ABCC6: variants seen among roughly 807,000 people sequenced by gnomAD.
ABCC6 encodes the protein ATP binding cassette subfamily C member 6.
A neutral mutation model predicts 169.5 loss-of-function variants in ABCC6; 126 were observed. The ratio of observed to expected loss-of-function variants is 0.74; its 90% CI spans 0.64 to 0.86. The LOEUF is 0.86. Ranked by LOEUF, ABCC6 falls within the 40% of genes least tolerant of loss-of-function variation. The pLI is 0.00. For synonymous variants in ABCC6, 752 were observed against 814.7 expected, an observed-to-expected ratio of 0.92 and a Z score of 1.31; for missense variants, 1,733 against 1,927.2, an observed-to-expected ratio of 0.90 and a Z score of 1.89.
At chr16:16,183,019 C>T (rs1005322908) in intron 15 of ABCC6, 89 bp from the exon 16 acceptor site, 5 of 1,603,998 alleles carry the variant, frequency 3.1e-6, no homozygotes, top group Non-Finnish European at 4.3e-6. Context: ...GCTGAGCTTT[C>T]CTGCTCTGGG....
chr16:16,187,337 G>A (rs2047683034), intron 13 of ABCC6, 126 bp from the exon 14 acceptor site: 4 of 785,026 alleles, frequency 5.1e-6, no homozygotes, highest in South Asian at 1.5e-5. Context: ...GGAGGCGTGA[G>A]GACAAAGCTT....
chr16:16,178,930 C>T lies in ABCC6; in HGVS notation c.2283G>A (p.Leu761=). 2 of 1,613,404 alleles carry T rather than the reference C, an allele frequency of 1.2e-6. No individual in the cohort carries two copies. The highest frequency in any genetic ancestry group is 1.7e-6 in the Non-Finnish European group (2 of 1,180,024). ...MNLSGGQKQR[L]SLARAVYRKA... ...TTCTGTATACAGCCCGGGCCAGGCTCAGCCGCTGCTTCTGGCCTCCGGAGA... is the reference window on the plus strand; with the variant it reads ...TTCTGTATACAGCCCGGGCCAGGCTTAGCCGCTGCTTCTGGCCTCCGGAGA... The change falls in exon 18 of 31, where the codon CTG becomes CTA. Residue 761 remains leucine, a synonymous_variant. Transcript: ENST00000205557.
intron 2 of ABCC6, among the ~76,000 whole-genome samples, chr16:16,220,846 G>A (rs1256167884): frequency 2.0e-5 from 3 of 151,052 alleles, no homozygotes; most frequent in East Asian, 3.9e-4. Flanking sequence ...GCAGTGAGCC[G>A]AGATCGCACC....
Position 16,163,129 on chromosome 16 carries a change from A to G in ABCC6, c.3370T>C (p.Cys1124Arg), listed in dbSNP as rs1555508972. ...RLESASYSSV[C>R]SHMAETFQGS... Reference sequence around the variant, plus strand: ...TGGAACGTCTCAGCCATGTGGGAGCAGACAGACGAGTAGCTGGCTGACTCC... The same window carrying G: ...TGGAACGTCTCAGCCATGTGGGAGCGGACAGACGAGTAGCTGGCTGACTCC... The change falls in exon 24 of 31, where the codon TGC (cysteine) becomes CGC (arginine). Residue 1124 changes from cysteine to arginine, a missense_variant. This residue lies in a region of ABCC6 where 1,601 missense variants were observed against 1,635.5 expected (regional missense o/e 0.98). Coordinates refer to ENST00000205557, the MANE Select transcript of ABCC6 (RefSeq NM_001171.6). 1 of 1,613,736 alleles carries G rather than the reference A, an allele frequency of 6.2e-7. No homozygotes were observed. Among genetic ancestry groups the G allele is most frequent in the African/African-American group, 1.3e-5 (1 of 74,938 alleles).
At chr16:16,202,658 G>A (rs1484387822) in intron 8 of ABCC6, among the ~76,000 whole-genome samples, 1 of 152,010 alleles carries the variant, frequency 6.6e-6, no homozygotes, top group African/African-American at 2.4e-5. Context: ...ACACAGGGAG[G>A]AGGTGGCCAA....
intron 29 of ABCC6, among the ~76,000 whole-genome samples, chr16:16,153,589 A>G (rs551188529): frequency 1.3e-5 from 2 of 152,224 alleles, no homozygotes; most frequent in African/African-American, 2.4e-5. Flanking sequence ...GTTGTGTAAC[A>G]GTGTGAATGT....
chr16:16,150,491 C>T (rs2046355349), intron 30 of ABCC6, 87 bp downstream of exon 30: 24 of 1,530,314 alleles, frequency 1.6e-5, no homozygotes, highest in Non-Finnish European at 1.3e-5. Context: ...AGCTCTAACC[C>T]GAAGCCCAGT....
Position 16,203,478 on chromosome 16 carries a change from G to A in ABCC6, c.930C>T (p.Thr310=), listed in dbSNP as rs536157653. ...TGAGGCTGAGGGTCCCCAGGAGGAAGGTAGAATGGAACACCTGCCAGATGG... is the reference window on the plus strand; with the variant it reads ...TGAGGCTGAGGGTCCCCAGGAGGAAAGTAGAATGGAACACCTGCCAGATGG... ...LKAIWQVFHS[T]FLLGTLSLII... Residue 310 remains threonine (T), a synonymous_variant, in exon 8 of 31, where the codon ACC becomes ACT. Transcript: ENST00000205557. 6.2e-7 allele frequency: 1 copy of A among 1,613,996 alleles called. No individual in the cohort carries two copies. Among genetic ancestry groups the A allele is most frequent in the East Asian group, 2.2e-5 (1 of 44,874 alleles).
At chr16:16,172,682 A>T (rs1314853803) in intron 21 of ABCC6, among the ~76,000 whole-genome samples, 1 of 152,128 alleles carries the variant, frequency 6.6e-6, no homozygotes, top group African/African-American at 2.4e-5. Flanking sequence ...ATTGGCCTAG[A>T]TTTGAGTCCC....
At chr16:16,203,035 C>T (rs984488363) in intron 8 of ABCC6, among the ~76,000 whole-genome samples, 3 of 152,214 alleles carry the variant, frequency 2.0e-5, no homozygotes, top group African/African-American at 7.2e-5. Flanking sequence ...GTCTCAGATA[C>T]ACAACTGCAG....
At chr16:16,150,798 G>A (rs2046364935) in intron 29 of ABCC6, 26 bp from the exon 30 acceptor site, 1 of 1,610,766 alleles carries the variant, frequency 6.2e-7, no homozygotes, top group Admixed American at 1.7e-5. Flanking sequence ...ACAATTAGCT[G>A]GGACGTGCGT....
chr16:16,170,554 G>A (rs2047027320), intron 21 of ABCC6, among the ~76,000 whole-genome samples: 1 of 152,140 alleles, frequency 6.6e-6, no homozygotes, highest in Non-Finnish European at 1.5e-5. Context: ...CACAGCTGCA[G>A]CCAGACGGGA....
chr16:16,187,117 C>T lies in ABCC6; in HGVS notation c.1867+7G>A. Reference sequence around the variant, plus strand: ...CCCACACCCCTCCTGCCAGACTCAGCACTCACCGCTTCCAGAGGAACTTGA... The same window carrying T: ...CCCACACCCCTCCTGCCAGACTCAGTACTCACCGCTTCCAGAGGAACTTGA... On this transcript the variant is annotated splice_region_variant and intron_variant, in intron 14 of 30. Transcript: ENST00000205557. The T allele has an allele frequency of 6.2e-7, 1 of 1,611,914 alleles. No homozygotes were observed. Among genetic ancestry groups the T allele is most frequent in the Non-Finnish European group, 8.5e-7 (1 of 1,178,540 alleles).
At position 16,198,184 on chromosome 16, in the gene ABCC6, T is replaced by G; in HGVS notation, c.1177-2A>C. ...GGAGCCGCTGGACAGAGCCAGGACC[T>G]GGCGGGTGGGCAGAAGGAGAGAAGT... On this transcript the variant is annotated splice_acceptor_variant, in intron 9 of 30. Transcript: ENST00000205557. LOFTEE classifies it high-confidence loss of function. 1 of 1,590,748 alleles carries G rather than the reference T, an allele frequency of 6.3e-7. No homozygotes were observed. The highest frequency in any genetic ancestry group is 8.6e-7 in the Non-Finnish European group (1 of 1,168,056).
chr16:16,178,259 G>A (rs903555587), intron 18 of ABCC6, among the ~76,000 whole-genome samples: 22 of 152,046 alleles, frequency 1.4e-4, no homozygotes, highest in African/African-American at 2.2e-4. Flanking sequence ...CCCGGGAGCC[G>A]GAGCTTCCAG....
intron 16 of ABCC6, 30 bp downstream of exon 16, chr16:16,182,768 GGGACAT>G: frequency 6.2e-7 from 1 of 1,613,128 alleles, no homozygotes; most frequent in Non-Finnish European, 8.5e-7. Context: ...TTTCAGGATG[GGGACAT>G]CCTAGCAGAC....
At chr16:16,162,821 C>T (rs3213472) in intron 24 of ABCC6, among the ~76,000 whole-genome samples, 172 bp downstream of exon 24, 6,097 of 152,230 alleles carry the variant, frequency 0.04, 354 homozygotes, top group African/African-American at 0.12. Flanking sequence ...GAGAATCTCT[C>T]GGTCATGTTC....
At chr16:16,216,504 A>G (rs558953083) in intron 4 of ABCC6, among the ~76,000 whole-genome samples, 1,715 of 151,704 alleles carry the variant, frequency 0.011, 33 homozygotes, top group African/African-American at 0.04. Context: ...TGAAAATGAC[A>G]GTACCTCATT....
intron 17 of ABCC6, among the ~76,000 whole-genome samples, chr16:16,180,456 T>C (rs1178433278): frequency 6.6e-6 from 1 of 152,182 alleles, no homozygotes; most frequent in African/African-American, 2.4e-5. Flanking sequence ...ATTCCTTCTA[T>C]CTAGGCCTTC....
Sources: gnomAD v4.1 joint callset for allele counts (sites outside exome capture counted in the v4.1 genomes callset) on GRCh38, gnomAD v4.1.1 for gene constraint, gnomAD v4.1.1 regional missense constraint, MANE v1.5 for transcripts, NCBI Gene and HGNC (gene_info 2026-07-23, HGNC 2026-07-21) for gene names.